Variants in PRKG1 observed in about 807,000 individuals in gnomAD.
The protein encoded by PRKG1 is cGMP-dependent protein kinase 1.
In PRKG1, 35 loss-of-function variants were observed where a neutral mutation model predicts 88.1. That is an observed-to-expected ratio of 0.40 (90% CI 0.30 to 0.53). The LOEUF is 0.53. Ranked by LOEUF, PRKG1 falls within the 20% of genes least tolerant of loss-of-function variation. The pLI is 0.59. For missense variants in PRKG1, 540 were observed against 839.8 expected (o/e 0.64, Z 4.41); for synonymous variants, 303 against 292.5 (o/e 1.04, Z -0.37).
intron 2 of PRKG1, among the ~76,000 whole-genome samples, chr10:51,290,695 G>A (rs1029877781): frequency 1.3e-5 from 2 of 152,018 alleles, no homozygotes; most frequent in Admixed American, 6.6e-5. Flanking sequence ...ACCCCACCCC[G>A]GTAAATGTGG....
chr10:52,189,369 A>G (rs1032960904), intron 9 of PRKG1, among the ~76,000 whole-genome samples: 3 of 152,188 alleles, frequency 2.0e-5, no homozygotes, highest in African/African-American at 7.2e-5. Flanking sequence ...CATTCATCCC[A>G]GACCAGGGGT....
intron 13 of PRKG1, among the ~76,000 whole-genome samples, chr10:52,281,682 A>G (rs1842006031): frequency 6.6e-6 from 1 of 152,110 alleles, no homozygotes. Flanking sequence ...TGGTCCCAAA[A>G]CTATCTTACT....
chr10:51,792,164 T>G (rs1172608010), intron 3 of PRKG1, among the ~76,000 whole-genome samples: 2 of 152,092 alleles, frequency 1.3e-5, no homozygotes, highest in Admixed American at 1.3e-4. Context: ...CACAAGTGAT[T>G]GTGTGATCTT....
At chr10:51,836,421 C>G (rs752078415) in intron 4 of PRKG1, among the ~76,000 whole-genome samples, 1 of 152,068 alleles carries the variant, frequency 6.6e-6, no homozygotes, top group Admixed American at 6.6e-5. Context: ...TAGTTTGTTG[C>G]AATCCCATTT....
intron 2 of PRKG1, among the ~76,000 whole-genome samples, chr10:51,424,057 T>C (rs1838499041): frequency 6.6e-6 from 1 of 152,140 alleles, no homozygotes; most frequent in South Asian, 2.1e-4. Context: ...GGTACCTAAA[T>C]TGAAATATCA....
intron 3 of PRKG1, among the ~76,000 whole-genome samples, chr10:51,689,239 A>ACTATCTAT (rs1164074395): frequency 0.15 from 22,835 of 150,188 alleles, 1,808 homozygotes; most frequent in African/African-American, 0.18. Context: ...AAATCTATCT[A>ACTATCTAT]CTATCTATCT....
intron 2 of PRKG1, among the ~76,000 whole-genome samples, chr10:51,315,835 T>G (rs1841304167): frequency 6.6e-6 from 1 of 152,238 alleles, no homozygotes; most frequent in African/African-American, 2.4e-5. Context: ...GAGGGAGAAG[T>G]GATAAAATTA....
At chr10:51,519,237 C>T (rs1841674134) in intron 3 of PRKG1, among the ~76,000 whole-genome samples, 1 of 151,996 alleles carries the variant, frequency 6.6e-6, no homozygotes, top group South Asian at 2.1e-4. Flanking sequence ...TGCTATAGAA[C>T]CAGGAACCCA....
At chr10:51,648,578 T>A (rs1014838711) in intron 3 of PRKG1, among the ~76,000 whole-genome samples, 1 of 152,178 alleles carries the variant, frequency 6.6e-6, no homozygotes, top group Non-Finnish European at 1.5e-5. Context: ...TGGCACTAGA[T>A]ATTTTTTCTC....
intron 1 of PRKG1, among the ~76,000 whole-genome samples, chr10:51,091,346 C>T (rs923336718): frequency 3.3e-5 from 5 of 152,100 alleles, no homozygotes; most frequent in African/African-American, 1.2e-4. Context: ...TTCAATTACC[C>T]CCTAAATTTC....
At chr10:51,614,676 T>C (rs1053166615) in intron 3 of PRKG1, among the ~76,000 whole-genome samples, 2 of 152,050 alleles carry the variant, frequency 1.3e-5, no homozygotes, top group African/African-American at 2.4e-5. Context: ...ATTTGAGTTC[T>C]TTCTCTTTCT....
chr10:51,970,441 T>C (rs957213840), intron 5 of PRKG1, among the ~76,000 whole-genome samples: 3 of 151,592 alleles, frequency 2.0e-5, no homozygotes, highest in Non-Finnish European at 4.4e-5. Flanking sequence ...CCCCTATTTT[T>C]ATAAAATAGG....
At chr10:51,181,907 A>G (rs1321743145) in intron 2 of PRKG1, among the ~76,000 whole-genome samples, 1 of 152,222 alleles carries the variant, frequency 6.6e-6, no homozygotes, top group African/African-American at 2.4e-5. Flanking sequence ...CAGTTTTGTC[A>G]GTTTAACAAT....
chr10:51,080,976 C>G (rs1179203742), intron 1 of PRKG1, among the ~76,000 whole-genome samples: 1 of 152,192 alleles, frequency 6.6e-6, no homozygotes, highest in Non-Finnish European at 1.5e-5. Flanking sequence ...AACAATAGCA[C>G]AAAAACTTCA....
At chr10:51,861,479 C>T (rs2154283) in intron 4 of PRKG1, among the ~76,000 whole-genome samples, 318 of 151,986 alleles carry the variant, frequency 2.1e-3, no homozygotes, top group African/African-American at 7.1e-3. Context: ...CAGAAATACC[C>T]GGGTCTATTA....
rs72801463 is a variant in PRKG1 at position 51,983,992 on chromosome 10, A to G, written c.763-70492A>G. ...ATTAGGGGCACCTATTTGAAATGCA[A>G]TTGGCCATATATGTAGTTCTGGAGA... On this transcript the variant is annotated intron_variant, in intron 5 of 17. Transcript: ENST00000373980. Among the ~76,000 whole-genome samples, 635 of 152,316 alleles carry G rather than the reference A, an allele frequency of 4.2e-3. 4 individuals carry two copies. Among genetic ancestry groups the G allele is most frequent in the Middle Eastern group, 6.8e-3 (2 of 294 alleles).
intron 2 of PRKG1, among the ~76,000 whole-genome samples, chr10:51,291,781 A>G (rs1466801283): frequency 6.6e-6 from 1 of 152,202 alleles, no homozygotes. Flanking sequence ...TACCTTAAAA[A>G]TGTTCAGATG....
chr10:51,972,066 C>T (rs1010688955), intron 5 of PRKG1, among the ~76,000 whole-genome samples: 6 of 152,108 alleles, frequency 3.9e-5, no homozygotes, highest in Admixed American at 2.0e-4. Flanking sequence ...CTTCTCTCTT[C>T]TTCCCTCCCT....
intron 5 of PRKG1, among the ~76,000 whole-genome samples, chr10:52,024,190 T>C (rs1845265509): frequency 6.6e-6 from 1 of 152,182 alleles, no homozygotes; most frequent in Non-Finnish European, 1.5e-5. Context: ...AGAATCAATA[T>C]CATGAAATGG....
Sources: gnomAD v4.1 joint callset for allele counts (sites outside exome capture counted in the v4.1 genomes callset) on GRCh38, gnomAD v4.1.1 for gene constraint, MANE v1.5 for transcripts, NCBI Gene and HGNC (gene_info 2026-07-23, HGNC 2026-07-21) for gene names.